The following SLC5A3 variants were observed in gnomAD, a reference collection of about 807,000 sequenced individuals.
The protein encoded by SLC5A3 is solute carrier family 5 member 3.
Under a neutral mutation model 43.2 loss-of-function variants are expected in SLC5A3, and 10 were observed. The ratio of observed to expected loss-of-function variants is 0.23; its 90% CI spans 0.14 to 0.39. SLC5A3 has a LOEUF of 0.39. Ranked by LOEUF, SLC5A3 falls within the 10% of genes least tolerant of loss-of-function variation. The pLI, the probability that SLC5A3 is intolerant of heterozygous loss-of-function variation, is 1.00. For synonymous variants in SLC5A3, 349 were observed against 322.0 expected, an observed-to-expected ratio of 1.08 and a Z score of -0.90; for missense variants, 608 against 893.4, an observed-to-expected ratio of 0.68 and a Z score of 4.07.
At position 34,100,113 on chromosome 21, in the gene SLC5A3, T is replaced by C; in HGVS notation, c.*2758T>C. The C allele has an allele frequency of 1.0e-6, 1 of 998,662 alleles. No individual in the cohort carries two copies. Among genetic ancestry groups the C allele is most frequent in the Non-Finnish European group, 1.2e-6 (1 of 828,522 alleles). The allele number at this position is 998,662 out of a possible 1,614,324, so 61.9% of individuals were successfully genotyped here. ...TATTAGCTCAAGCTAAGGTTCAGAA[T>C]TGAAGCTTGATATTGACTAGAATAG... On this transcript the variant is annotated 3_prime_UTR_variant, in exon 2 of 2. Transcript: ENST00000381151.
Position 34,105,112 on chromosome 21 carries a change from C to A in SLC5A3, c.*7757C>A, listed in dbSNP as rs945441216. On this transcript the variant is annotated 3_prime_UTR_variant, in exon 2 of 2. Coordinates refer to ENST00000381151, the MANE Select transcript of SLC5A3 (RefSeq NM_006933.7). ...TTATTTTTTTTAATAATGCCATACT[C>A]CATTAGTGTCAGATGATGGTATGGA... 26 of 1,000,012 alleles carry A rather than the reference C, an allele frequency of 2.6e-5. No homozygotes were observed. The highest frequency in any genetic ancestry group is 3.1e-5 in the Non-Finnish European group (26 of 829,908). The allele number at this position is 1,000,012 out of a possible 1,614,324, so 61.9% of individuals were successfully genotyped here. A position where few individuals can be genotyped will look rare whatever the true frequency, so the allele number is the denominator to read the frequency against.
rs1463009312 is a variant in SLC5A3, at chr21:34,104,317, G to A, written c.*6962G>A. ...TAGATGAGATGAAATCTGTTAATGT[G>A]TGTGTAGAAGAAAACGTATGTTCTT... On this transcript the variant is annotated 3_prime_UTR_variant, in exon 2 of 2. Transcript: ENST00000381151. 2.0e-6 allele frequency: 2 copies of A among 999,896 alleles called. No homozygotes were observed. Among genetic ancestry groups the A allele is most frequent in the African/African-American group, 3.5e-5 (2 of 57,188 alleles). 61.9% of individuals were successfully genotyped at this position (999,896 alleles called of 1,614,324 possible).
At position 34,098,718 on chromosome 21, in the gene SLC5A3, C is replaced by T. The variant is rs2148660462; in HGVS notation, c.*1363C>T. On this transcript the variant is annotated 3_prime_UTR_variant, in exon 2 of 2. Transcript: ENST00000381151. Reference sequence around the variant, plus strand: ...ATTACAGGACTGTGTAATTATAGGACTCTAACTTGACATGGCTTGGCACCC... The same window carrying T: ...ATTACAGGACTGTGTAATTATAGGATTCTAACTTGACATGGCTTGGCACCC... The T allele has an allele frequency of 4.0e-6, 4 of 1,000,176 alleles. No homozygotes were observed. The highest frequency in any genetic ancestry group is 4.8e-6 in the Non-Finnish European group (4 of 829,954). The allele number at this position is 1,000,176 out of a possible 1,614,324, so 62.0% of individuals were successfully genotyped here. A position where few individuals can be genotyped will look rare whatever the true frequency, so the allele number is the denominator to read the frequency against.
rs1979437606 is a variant in SLC5A3, at chr21:34,105,519, A to G, written c.*8164A>G. 6 of 999,710 alleles carry G rather than the reference A, an allele frequency of 6.0e-6. No individual in the cohort carries two copies. In the South Asian group the frequency reaches 1.4e-4, roughly 23 times the overall value. 61.9% of individuals were successfully genotyped at this position (999,710 alleles called of 1,614,324 possible). A position where few individuals can be genotyped will look rare whatever the true frequency, so the allele number is the denominator to read the frequency against. ...ATTAATGCATTTTTAAAAGATGTCT[A>G]CATTGAAACATGTTCTTCCCAGTGT... On this transcript the variant is annotated 3_prime_UTR_variant, in exon 2 of 2. Transcript: ENST00000381151.
At chr21:34,074,454 C>G (rs1374029625) in intron 1 of SLC5A3, among the ~76,000 whole-genome samples, 1 of 152,196 alleles carries the variant, frequency 6.6e-6, no homozygotes, top group African/African-American at 2.4e-5. Context: ...ACTTTCTTCC[C>G]CCTGCTTTTG....
At chr21:34,081,533 C>A (rs1989459041) in intron 1 of SLC5A3, among the ~76,000 whole-genome samples, 1 of 152,020 alleles carries the variant, frequency 6.6e-6, no homozygotes, top group African/African-American at 2.4e-5. Flanking sequence ...GATGTGTTAC[C>A]ATAGAATAAA....
At chr21:34,083,216 C>T (rs559893670) in intron 1 of SLC5A3, among the ~76,000 whole-genome samples, 1 of 152,270 alleles carries the variant, frequency 6.6e-6, no homozygotes, top group East Asian at 1.9e-4. Context: ...AGAAAATTCT[C>T]ATTGTGGTGA....
Position 34,074,370 on chromosome 21 carries a change from A to G in SLC5A3, c.-337+625A>G, listed in dbSNP as rs201602090. ...GACTTTTCTTTTTCTGACTTCAGCG[A>G]AAATCCCGCTCCGGGTGCCCTTAGC... On this transcript the variant is annotated intron_variant, in intron 1 of 1. Coordinates refer to ENST00000381151, the MANE Select transcript of SLC5A3 (RefSeq NM_006933.7). Among the ~76,000 whole-genome samples the G allele has an allele frequency of 7.9e-5, 12 of 152,338 alleles. No individual in the cohort carries two copies. In the East Asian group the frequency reaches 2.1e-3, roughly 27 times the overall value.
chr21:34,088,621 A>G (rs1978518968), intron 1 of SLC5A3, among the ~76,000 whole-genome samples: 1 of 152,192 alleles, frequency 6.6e-6, no homozygotes, highest in Admixed American at 6.5e-5. Context: ...TGTCCTTTTC[A>G]CTGAAGGTAG....
In SLC5A3 at chr21:34,097,720, T is replaced by G; in HGVS notation, c.*365T>G. 2 of 1,010,024 alleles carry G rather than the reference T, an allele frequency of 2.0e-6. No homozygotes were observed. Among genetic ancestry groups the G allele is most frequent in the South Asian group, 4.6e-5 (1 of 21,540 alleles). The allele number at this position is 1,010,024 out of a possible 1,614,324, so 62.6% of individuals were successfully genotyped here. A position where few individuals can be genotyped will look rare whatever the true frequency, so the allele number is the denominator to read the frequency against. On this transcript the variant is annotated 3_prime_UTR_variant, in exon 2 of 2. Coordinates refer to ENST00000381151, the MANE Select transcript of SLC5A3 (RefSeq NM_006933.7). ...AGTCTTGGCAGACCTTACCCTGAAG[T>G]AGAAGATTTGCTCATTTCTAAATTT...
At position 34,096,976 on chromosome 21, in the gene SLC5A3, A is replaced by G. The variant is rs1978993069; in HGVS notation, c.1778A>G (p.Asp593Gly). 2 of 1,614,082 alleles carry G rather than the reference A, an allele frequency of 1.2e-6. No homozygotes were observed. The highest frequency in any genetic ancestry group is 1.7e-6 in the Non-Finnish European group (2 of 1,179,960). Residue 593 changes from aspartate (D) to glycine (G), a missense_variant, in exon 2 of 2, where the codon GAC (aspartate) becomes GGC (glycine). Physicochemically the swap from Asp to Gly is moderately conservative, Grantham distance 94. Coordinates refer to ENST00000381151, the MANE Select transcript of SLC5A3 (RefSeq NM_006933.7). This position sits in a 1 kb window ranked among gnomAD's most constrained non-coding sequence, Gnocchi z 5.9. ...NHIIPNGKSEDSIKGLQPEDV... is the reference protein window; with the variant it reads ...NHIIPNGKSEGSIKGLQPEDV... ...ATCATTCCCAACGGGAAATCTGAAG[A>G]CAGCATTAAGGGCCTTCAGCCTGAA...
In SLC5A3 at chr21:34,095,125, G is replaced by A. The variant is rs1978903793; in HGVS notation, c.-74G>A. On this transcript the variant is annotated 5_prime_UTR_variant, in exon 2 of 2. Coordinates refer to ENST00000381151, the MANE Select transcript of SLC5A3 (RefSeq NM_006933.7). ...AGTTCACGTATGGTTTACAGACTTG[G>A]CTGGGGTTACTAAAAATAAATAAAA... The A allele has an allele frequency of 6.5e-7, 1 of 1,536,930 alleles. No homozygotes were observed. The highest frequency in any genetic ancestry group is 8.7e-7 in the Non-Finnish European group (1 of 1,143,780).
chr21:34,083,460 A>G (rs776863366), intron 1 of SLC5A3, among the ~76,000 whole-genome samples: 2 of 152,206 alleles, frequency 1.3e-5, no homozygotes. Flanking sequence ...TTGAAAAGCT[A>G]AATTTGAGTG....
Position 34,097,488 on chromosome 21 carries a change from C to G in SLC5A3, c.*133C>G, listed in dbSNP as rs185884882. The stretch of plus-strand genomic sequence containing the variant: ...AGCCAAATTTTACTTAGCAGAAAAT[C>G]ATCTAATTACAAGACTTTATTTTCC... On this transcript the variant is annotated 3_prime_UTR_variant, in exon 2 of 2. Transcript: ENST00000381151. 2.6e-5 allele frequency: 37 copies of G among 1,432,694 alleles called. No homozygotes were observed. The African/African-American group carries it at 4.2e-4, about 16-fold the overall frequency. The allele number at this position is 1,432,694 out of a possible 1,614,324, so 88.7% of individuals were successfully genotyped here. A position where few individuals can be genotyped will look rare whatever the true frequency, so the allele number is the denominator to read the frequency against.
intron 1 of SLC5A3, among the ~76,000 whole-genome samples, chr21:34,090,857 CTG>C (rs572575542): frequency 1.3e-4 from 20 of 152,328 alleles, no homozygotes; most frequent in South Asian, 4.1e-4. Flanking sequence ...CCCTTAAAAA[CTG>C]TGCTGTTTTC....
Position 34,098,622 on chromosome 21 carries a change from T to C in SLC5A3, c.*1267T>C. ...TTAGGTTGTCAATATAGTCTTTCTG[T>C]AGGATGGATAGCATGTTTGAGAGGT... On this transcript the variant is annotated 3_prime_UTR_variant, in exon 2 of 2. Coordinates refer to ENST00000381151, the MANE Select transcript of SLC5A3 (RefSeq NM_006933.7). 1 of 1,000,290 alleles carries C rather than the reference T, an allele frequency of 1.0e-6. No individual in the cohort carries two copies. Among genetic ancestry groups the C allele is most frequent in the Non-Finnish European group, 1.2e-6 (1 of 830,004 alleles). The allele number at this position is 1,000,290 out of a possible 1,614,324, so 62.0% of individuals were successfully genotyped here.
Position 34,104,801 on chromosome 21 carries a change from C to T in SLC5A3, c.*7446C>T, listed in dbSNP as rs184094254. The T allele has an allele frequency of 2.6e-3, 2,592 of 1,000,134 alleles. 8 individuals carry two copies. Among genetic ancestry groups the T allele is most frequent in the Non-Finnish European group, 2.9e-3 (2,376 of 829,878 alleles). The allele number at this position is 1,000,134 out of a possible 1,614,324, so 62.0% of individuals were successfully genotyped here. The stretch of plus-strand genomic sequence containing the variant: ...TGCAAAGCTGTTATAACCTGTTAAT[C>T]CTACGTACTATGTGTTCTGTACCTT... On this transcript the variant is annotated 3_prime_UTR_variant, in exon 2 of 2. Transcript: ENST00000381151.
At chr21:34,074,980 T>A (rs1166381360) in intron 1 of SLC5A3, among the ~76,000 whole-genome samples, 1 of 152,244 alleles carries the variant, frequency 6.6e-6, no homozygotes, top group Non-Finnish European at 1.5e-5. Context: ...TCCCCCAGCT[T>A]GTTCTTCATG....
intron 1 of SLC5A3, among the ~76,000 whole-genome samples, chr21:34,074,351 T>C (rs773629315): frequency 1.3e-5 from 2 of 152,248 alleles, no homozygotes; most frequent in Non-Finnish European, 2.9e-5. Context: ...TTTTGACTTT[T>C]CTTTTTCTGA....
Sources: allele counts gnomAD v4.1 joint callset (sites outside exome capture counted in the v4.1 genomes callset), GRCh38; gene constraint gnomAD v4.1.1; non-coding constraint Gnocchi (gnomAD v3.1); transcripts MANE v1.5; gene names NCBI Gene and HGNC (gene_info 2026-07-23, HGNC 2026-07-21).